Variants in ZNF682 observed in about 807,000 individuals in gnomAD.
The protein encoded by ZNF682 is zinc finger protein 682.
Under a neutral mutation model 36.5 loss-of-function variants are expected in ZNF682, and 29 were observed. The observed-to-expected ratio is 0.80, with a 90% CI of 0.59 to 1.08. ZNF682 has a LOEUF of 1.08. ZNF682 is among the 50% of genes least tolerant of loss of function. ZNF682 has a pLI of 0.00. For missense variants in ZNF682, 561 were observed against 579.7 expected, an observed-to-expected ratio of 0.97 and a Z score of 0.33; for synonymous variants, 180 against 197.0, an observed-to-expected ratio of 0.91 and a Z score of 0.72.
intron 3 of ZNF682, among the ~76,000 whole-genome samples, chr19:20,017,661 G>C (rs1239006976): frequency 6.6e-6 from 1 of 152,036 alleles, no homozygotes; most frequent in Non-Finnish European, 1.5e-5. Flanking sequence ...AAACCAGATA[G>C]ATCAATAAGA....
At chr19:20,023,997 T>C (rs1215998800) in intron 2 of ZNF682, among the ~76,000 whole-genome samples, 1 of 151,534 alleles carries the variant, frequency 6.6e-6, no homozygotes, top group East Asian at 1.9e-4. Context: ...TAAAATAAAA[T>C]AAAATAAAAA....
At chr19:20,021,531 T>G (rs2088384077) in intron 3 of ZNF682, among the ~76,000 whole-genome samples, 1 of 152,162 alleles carries the variant, frequency 6.6e-6, no homozygotes, top group Non-Finnish European at 1.5e-5. Context: ...TCTGTGAGGT[T>G]AACAGATGCA....
chr19:20,021,501 A>AAC lies in ZNF682; in HGVS notation c.226+1502_226+1503insGT, dbSNP rs1555787161. On this transcript the variant is annotated intron_variant, in intron 3 of 3. Transcript: ENST00000397165. Reference sequence around the variant, plus strand: ...TCGTCTCAAAAAGAAAGAAAACAAAAAACAACAACAACAAAAAACTCTGTG... The same window carrying AAC: ...TCGTCTCAAAAAGAAAGAAAACAAAAACAACAACAACAACAAAAAACTCTGTG... 1.1e-3 allele frequency among the ~76,000 whole-genome samples: 160 copies of AAC among 152,272 alleles called. 1 individual carries two copies. The highest frequency in any genetic ancestry group is 2.0e-3 in the Non-Finnish European group (134 of 68,030).
At position 20,006,545 on chromosome 19, in the gene ZNF682, C is replaced by T; in HGVS notation, c.957G>A (p.Gly319=). 1 of 1,613,398 alleles carries T rather than the reference C, an allele frequency of 6.2e-7. No homozygotes were observed. Among genetic ancestry groups the T allele is most frequent in the Non-Finnish European group, 8.5e-7 (1 of 1,179,816 alleles). Reference sequence around the variant, plus strand: ...GTAGTGAGCAGTGGTTAAAGGCTTTCCCACATTCTTTACATTTGTAGGGTT... The same window carrying T: ...GTAGTGAGCAGTGGTTAAAGGCTTTTCCACATTCTTTACATTTGTAGGGTT... ...GKKPYKCKEC[G]KAFNHCSLLT... is the part of the protein sequence containing the mutation. The change falls in exon 4 of 4, where the codon GGG becomes GGA. Residue 319 remains glycine, a synonymous_variant. Coordinates refer to ENST00000397165, the MANE Select transcript of ZNF682 (RefSeq NM_033196.3).
At chr19:19,997,283 T>C (rs994281430) in intron 3 of ZNF682, 2 of 397,864 alleles carry the variant, frequency 5.0e-6, no homozygotes, top group African/African-American at 2.1e-5. Flanking sequence ...AAATGAGCTA[T>C]GTCCCCATCT....
At chr19:20,022,665 C>CAAAA (rs1202381448) in intron 3 of ZNF682, among the ~76,000 whole-genome samples, 1 of 149,634 alleles carries the variant, frequency 6.7e-6, no homozygotes. Flanking sequence ...CTCTCTCTCT[C>CAAAA]AAAAAAAAGA....
At chr19:20,002,363 T>C (rs1422043032), downstream of ZNF682, among the ~76,000 whole-genome samples, 1 of 152,012 alleles carries the variant, frequency 6.6e-6, no homozygotes, top group Non-Finnish European at 1.5e-5. Flanking sequence ...AAGGCAATTC[T>C]TTTAGCCGAT....
At chr19:20,034,981 A>G (rs1472281823) in intron 1 of ZNF682, among the ~76,000 whole-genome samples, 1 of 119,826 alleles carries the variant, frequency 8.3e-6, no homozygotes, top group African/African-American at 3.2e-5. Flanking sequence ...CTGTAATCCC[A>G]GCTACTCAGG....
At chr19:20,022,865 A>G (rs1294652391) in intron 3 of ZNF682, 139 bp downstream of exon 3, 1 of 744,914 alleles carries the variant, frequency 1.3e-6, no homozygotes, top group Non-Finnish European at 2.3e-6. Flanking sequence ...GCCTCTGTAC[A>G]AGAGCAAGAA....
rs1199618717 is a variant in ZNF682 at position 20,024,809 on chromosome 19, T to A, written c.4-433A>T. Reference sequence around the variant, plus strand: ...GCTGAGATCATGCCATGGCACTCCTTGCCTGGGCGACAAACAAAAAGGAAA... The same window carrying A: ...GCTGAGATCATGCCATGGCACTCCTAGCCTGGGCGACAAACAAAAAGGAAA... On this transcript the variant is annotated intron_variant, in intron 1 of 3. Transcript: ENST00000397165. Among the ~76,000 whole-genome samples, 3 of 7,322 alleles carry A rather than the reference T, an allele frequency of 4.1e-4. No individual in the cohort carries two copies. In the Admixed American group the frequency reaches 5.0e-3, roughly 12 times the overall value. 4.8% of individuals were successfully genotyped at this position (7,322 alleles called of 152,430 possible).
intron 2 of ZNF682, among the ~76,000 whole-genome samples, chr19:20,023,311 A>G (rs2088403878): frequency 6.6e-6 from 1 of 152,142 alleles, no homozygotes; most frequent in South Asian, 2.1e-4. Flanking sequence ...ATCCTGGCCA[A>G]CATGGTGAAA....
At chr19:20,014,765 C>T (rs556352194) in intron 3 of ZNF682, among the ~76,000 whole-genome samples, 16 of 142,964 alleles carry the variant, frequency 1.1e-4, no homozygotes, top group African/African-American at 4.0e-4. Flanking sequence ...GGCAACAGAG[C>T]GAGACTCCAT....
chr19:20,020,901 G>C (rs895405114), intron 3 of ZNF682, among the ~76,000 whole-genome samples: 4 of 152,204 alleles, frequency 2.6e-5, no homozygotes, highest in Non-Finnish European at 5.9e-5. Context: ...GGTTGACCCA[G>C]TCTCGAAGTG....
chr19:20,011,301 T>C (rs544215817), intron 3 of ZNF682, among the ~76,000 whole-genome samples: 1 of 152,196 alleles, frequency 6.6e-6, no homozygotes, highest in Non-Finnish European at 1.5e-5. Flanking sequence ...GCACTCAACA[T>C]TGGCACACCC....
intron 3 of ZNF682, among the ~76,000 whole-genome samples, chr19:20,010,968 GA>G (rs1226581246): frequency 2.0e-5 from 3 of 148,986 alleles, no homozygotes; most frequent in Admixed American, 6.7e-5. Flanking sequence ...TCTCAAAAAA[GA>G]AAAAAAAATT....
chr19:19,995,554 C>G (rs1294786130), downstream of ZNF682, among the ~76,000 whole-genome samples: 1 of 152,174 alleles, frequency 6.6e-6, no homozygotes, highest in African/African-American at 2.4e-5. Flanking sequence ...AGAGATTTCT[C>G]TGAAACAGCG....
intron 3 of ZNF682, among the ~76,000 whole-genome samples, chr19:20,022,590 G>A (rs1479334070): frequency 6.6e-6 from 1 of 151,964 alleles, no homozygotes; most frequent in Non-Finnish European, 1.5e-5. Context: ...TTGAACCCAG[G>A]AGGCAGAGGT....
At chr19:20,037,178 C>T (rs749178777) in intron 1 of ZNF682, among the ~76,000 whole-genome samples, 71 of 152,152 alleles carry the variant, frequency 4.7e-4, no homozygotes, top group African/African-American at 7.2e-4. Context: ...TGAGGGGTGG[C>T]GTTGGGCACA....
At chr19:20,000,811 G>T (rs896843636), downstream of ZNF682, among the ~76,000 whole-genome samples, 1 of 152,136 alleles carries the variant, frequency 6.6e-6, no homozygotes, top group African/African-American at 2.4e-5. Flanking sequence ...TGGCTGCTGG[G>T]CACTGTTTAC....
Sources: allele counts gnomAD v4.1 joint callset (sites outside exome capture counted in the v4.1 genomes callset), GRCh38; gene constraint gnomAD v4.1.1; transcripts MANE v1.5; gene names NCBI Gene and HGNC (gene_info 2026-07-23, HGNC 2026-07-21).